Variants in TSPAN32 observed in about 807,000 individuals in gnomAD.
The protein encoded by TSPAN32 is tetraspanin-32.
In TSPAN32, 47 loss-of-function variants were observed where a neutral mutation model predicts 42.7. The ratio of observed to expected loss-of-function variants is 1.10; its 90% CI spans 0.87 to 1.40. TSPAN32 has a LOEUF of 1.40. TSPAN32 is among the 40% of genes most tolerant of loss of function. The pLI, the probability that TSPAN32 is intolerant of heterozygous loss-of-function variation, is 0.00. For synonymous variants in TSPAN32, 175 were observed against 175.9 expected, an observed-to-expected ratio of 0.99 and a Z score of 0.04; for missense variants, 469 against 424.1, an observed-to-expected ratio of 1.11 and a Z score of -0.93.
chr11:2,306,357 C>T (rs2188659), intron 3 of TSPAN32, among the ~76,000 whole-genome samples: 133,114 of 151,988 alleles, frequency 0.88, 59,421 homozygotes, highest in African/African-American at 0.93. Context: ...CTGGCAGCGC[C>T]GCCCAAGGAA....
chr11:2,315,635 T>G (rs1848741504), intron 6 of TSPAN32: 1 of 1,186,336 alleles, frequency 8.4e-7, no homozygotes. Context: ...GGGTGAGCCC[T>G]GAGACCCTGC....
intron 3 of TSPAN32, among the ~76,000 whole-genome samples, chr11:2,306,298 G>A (rs541574566): frequency 3.3e-5 from 5 of 152,072 alleles, no homozygotes; most frequent in African/African-American, 1.2e-4. Context: ...TCCCCTAGCT[G>A]GCCTCTCGCA....
In TSPAN32 at chr11:2,304,718, C is replaced by A. The variant is rs769397143; in HGVS notation, c.279+514C>A. ...CTTCCCAGCTGCCGGAGGTGTCTCC[C>A]CAGCCCCGAGGTCCCATAGGCCCCT... On this transcript the variant is annotated intron_variant, in intron 3 of 9. Transcript: ENST00000182290. The surrounding 1 kb of genome is among the most constrained non-coding windows in gnomAD (Gnocchi z 4.8). 2.6e-5 allele frequency among the ~76,000 whole-genome samples: 4 copies of A among 152,090 alleles called. No homozygotes were observed. The East Asian group carries it at 7.7e-4, about 29-fold the overall frequency.
At chr11:2,316,722 G>C (rs575193412) in intron 8 of TSPAN32, 55 bp downstream of exon 8, 307 of 1,489,450 alleles carry the variant, frequency 2.1e-4, no homozygotes, top group Non-Finnish European at 2.5e-4. Context: ...AGCTCTGCTC[G>C]AGAGGCATCT....
At chr11:2,306,789 A>G (rs1419226441) in intron 3 of TSPAN32, among the ~76,000 whole-genome samples, 1 of 111,014 alleles carries the variant, frequency 9.0e-6, no homozygotes, top group Non-Finnish European at 1.8e-5. Context: ...GGGAGAGGGA[A>G]GAGGAGGAAA....
intron 3 of TSPAN32, among the ~76,000 whole-genome samples, chr11:2,306,338 A>G (rs1426800523): frequency 6.6e-6 from 1 of 152,094 alleles, no homozygotes; most frequent in Non-Finnish European, 1.5e-5. Context: ...CTGGGCTGAG[A>G]GAGCAGAGCT....
At chr11:2,303,982 C>T in intron 2 of TSPAN32, 125 bp from the exon 3 acceptor site, 1 of 685,782 alleles carries the variant, frequency 1.5e-6, no homozygotes, top group Non-Finnish European at 2.5e-6. Flanking sequence ...GAGACAGGCC[C>T]ATTCAGAGCC....
chr11:2,315,181 CT>C, intron 6 of TSPAN32: 11 of 963,578 alleles, frequency 1.1e-5, no homozygotes, highest in African/African-American at 1.8e-5. Context: ...ACCCTGCCCC[CT>C]CCCTGCTCCC....
intron 3 of TSPAN32, chr11:2,306,901 GGA>G (rs1371680138): frequency 1.2e-4 from 15 of 130,398 alleles, no homozygotes; most frequent in Non-Finnish European, 2.3e-4. Flanking sequence ...GGAGGGAGAA[GGA>G]GGGAGGACAA....
At chr11:2,305,545 A>G (rs1053933057) in intron 3 of TSPAN32, among the ~76,000 whole-genome samples, 4 of 152,218 alleles carry the variant, frequency 2.6e-5, no homozygotes, top group African/African-American at 9.7e-5. Context: ...GAGGCCACAT[A>G]TGCAGAAGCC....
intron 4 of TSPAN32, among the ~76,000 whole-genome samples, chr11:2,310,452 AG>A (rs1848398826): frequency 6.6e-6 from 1 of 152,142 alleles, no homozygotes. Context: ...GCTGCCCTTC[AG>A]GGGTCAGTTC....
chr11:2,311,242 C>T (rs1848439720), intron 4 of TSPAN32, among the ~76,000 whole-genome samples: 1 of 152,172 alleles, frequency 6.6e-6, no homozygotes, highest in Non-Finnish European at 1.5e-5. Context: ...GGGCCCAGAG[C>T]TGAAAGTGGG....
chr11:2,315,177 C>G, intron 6 of TSPAN32: 1 of 739,128 alleles, frequency 1.4e-6, no homozygotes, highest in Non-Finnish European at 1.8e-6. Context: ...GCCCACCCTG[C>G]CCCCTCCCTG....
In TSPAN32 at chr11:2,317,563, T is replaced by C. The variant is rs769541102; in HGVS notation, c.901+38T>C. 81 of 1,543,456 alleles carry C rather than the reference T, an allele frequency of 5.2e-5. No individual in the cohort carries two copies. Among genetic ancestry groups the C allele is most frequent in the Non-Finnish European group, 6.8e-5 (78 of 1,149,146 alleles). ...CTGCTGTCAGCCCTCATGGGATCCC[T>C]GAGGGGAGGGTCCGAGCTGTGAGGA... On this transcript the variant is annotated intron_variant, in intron 9 of 9. Coordinates refer to ENST00000182290, the MANE Select transcript of TSPAN32 (RefSeq NM_139022.3). This position sits in a 1 kb window ranked among gnomAD's most constrained non-coding sequence, Gnocchi z 6.2.
intron 4 of TSPAN32, among the ~76,000 whole-genome samples, chr11:2,309,089 AC>A (rs1289570291): frequency 6.6e-6 from 1 of 151,370 alleles, no homozygotes; most frequent in South Asian, 2.1e-4. Context: ...CCCTCAGCCC[AC>A]CCCCTCCTGA....
chr11:2,316,338 C>A, intron 7 of TSPAN32, 26 bp downstream of exon 7: 1 of 1,576,552 alleles, frequency 6.3e-7, no homozygotes. Flanking sequence ...CCTCACTGCC[C>A]CTTCCCACCT....
intron 1 of TSPAN32, 140 bp downstream of exon 1, chr11:2,302,355 T>A: frequency 1.0e-6 from 1 of 975,840 alleles, no homozygotes; most frequent in Non-Finnish European, 1.4e-6. Flanking sequence ...TGCAGACATG[T>A]GTCCTGCCCT....
At chr11:2,308,176 G>A (rs1006351385) in intron 3 of TSPAN32, among the ~76,000 whole-genome samples, 1 of 152,120 alleles carries the variant, frequency 6.6e-6, no homozygotes, top group African/African-American at 2.4e-5. Context: ...AACAAGGGAT[G>A]AATTCCCAAA....
chr11:2,314,496 T>C lies in TSPAN32; in HGVS notation c.468T>C (p.Cys156=), dbSNP rs1848661298. 3 of 1,612,070 alleles carry C rather than the reference T, an allele frequency of 1.9e-6. No homozygotes were observed. The South Asian group carries it at 3.3e-5, about 18-fold the overall frequency. The change falls in exon 6 of 10, where the codon TGT becomes TGC. Residue 156 remains cysteine, a synonymous_variant. Coordinates refer to ENST00000182290, the MANE Select transcript of TSPAN32 (RefSeq NM_139022.3). ...LAAIQDVFLC[C]GKKSPFSRLG... is the part of the protein sequence containing the mutation. ...TTCTGTTCCTGTAGTTTCTGTGCTG[T>C]GGGAAGAAGTCTCCTTTCAGCCGTC...
Sources: gnomAD v4.1 joint callset for allele counts (sites outside exome capture counted in the v4.1 genomes callset) on GRCh38, gnomAD v4.1.1 for gene constraint, Gnocchi (gnomAD v3.1) non-coding constraint, MANE v1.5 for transcripts, NCBI Gene and HGNC (gene_info 2026-07-23, HGNC 2026-07-21) for gene names.